ACIN1: variants seen among roughly 807,000 people sequenced by gnomAD.
ACIN1 encodes apoptotic chromatin condensation inducer 1.
In ACIN1, 16 loss-of-function variants were observed where a neutral mutation model predicts 146.6. The observed-to-expected ratio is 0.11, with a 90% CI of 0.07 to 0.17. The LOEUF is 0.17. ACIN1 is among the 10% of genes least tolerant of loss of function. ACIN1 has a pLI of 1.00. For synonymous variants in ACIN1, 569 were observed against 582.7 expected, an observed-to-expected ratio of 0.98 and a Z score of 0.34; for missense variants, 1,357 against 1,609.3, an observed-to-expected ratio of 0.84 and a Z score of 2.68.
intron 8 of ACIN1, among the ~76,000 whole-genome samples, chr14:23,075,201 G>A (rs1470267962): frequency 6.6e-6 from 1 of 152,010 alleles, no homozygotes; most frequent in East Asian, 1.9e-4. Flanking sequence ...GCCTAAAACT[G>A]CTATTGCCTG....
Position 23,064,273 on chromosome 14 carries a change from C to G in ACIN1, c.2443-16G>C, listed in dbSNP as rs2047382351. On this transcript the variant is annotated splice_polypyrimidine_tract_variant and intron_variant, in intron 11 of 18. Transcript: ENST00000605057. ...GGATGAGGCTCTGGGACACAGATAC[C>G]CCCCACCCCGTTACACTGGGCCCAT... 2.5e-6 allele frequency: 4 copies of G among 1,613,818 alleles called. No homozygotes were observed. Among genetic ancestry groups the G allele is most frequent in the Non-Finnish European group, 3.4e-6 (4 of 1,180,024 alleles).
chr14:23,072,880 TTG>T (rs752271326), intron 8 of ACIN1, among the ~76,000 whole-genome samples: 2 of 152,352 alleles, frequency 1.3e-5, no homozygotes, highest in Non-Finnish European at 2.9e-5. Flanking sequence ...CTGTTAAAAG[TTG>T]TGTGATAGTA....
chr14:23,085,392 T>C (rs940575658), intron 4 of ACIN1, among the ~76,000 whole-genome samples: 1 of 152,190 alleles, frequency 6.6e-6, no homozygotes, highest in Admixed American at 6.6e-5. Flanking sequence ...GTTGCAATTT[T>C]AAAATTAGTA....
Position 23,067,663 on chromosome 14 carries a change from C to T in ACIN1, c.2266-1655G>A. On this transcript the variant is annotated intron_variant, in intron 9 of 18. Transcript: ENST00000605057. This position sits in a 1 kb window ranked among gnomAD's most constrained non-coding sequence, Gnocchi z 4.6. The stretch of plus-strand genomic sequence containing the variant: ...ATCTTGCAGTCCCTGATGAGATGGC[C>T]TGTGAGTAGCAGGAATGATCCTTGC... 1 of 985,888 alleles carries T rather than the reference C, an allele frequency of 1.0e-6. No homozygotes were observed. The highest frequency in any genetic ancestry group is 1.2e-6 in the Non-Finnish European group (1 of 829,978). 61.1% of individuals were successfully genotyped at this position (985,888 alleles called of 1,614,324 possible). A position where few individuals can be genotyped will look rare whatever the true frequency, so the allele number is the denominator to read the frequency against.
intron 8 of ACIN1, among the ~76,000 whole-genome samples, chr14:23,076,940 C>T (rs573821379): frequency 2.6e-5 from 4 of 152,202 alleles, no homozygotes; most frequent in South Asian, 2.1e-4. Flanking sequence ...CAAAGGATAG[C>T]GTACCCATTC....
intron 8 of ACIN1, among the ~76,000 whole-genome samples, chr14:23,074,984 C>T (rs559409019): frequency 2.0e-5 from 3 of 152,274 alleles, no homozygotes; most frequent in African/African-American, 7.2e-5. Flanking sequence ...TAACCTAGAA[C>T]AGTATGATTT....
In ACIN1 at chr14:23,065,954, G is replaced by A. The variant is rs771917667; in HGVS notation, c.2308+12C>T. On this transcript the variant is annotated intron_variant, in intron 10 of 18. Coordinates refer to ENST00000605057, the MANE Select transcript of ACIN1 (RefSeq NM_001386863.1). Reference sequence around the variant, plus strand: ...TTCCTGACTTTTATCAGGGATTTGGGGCTGGACTTACAGACAACGGAGATC... The same window carrying A: ...TTCCTGACTTTTATCAGGGATTTGGAGCTGGACTTACAGACAACGGAGATC... 2 of 1,612,820 alleles carry A rather than the reference G, an allele frequency of 1.2e-6. No homozygotes were observed. The highest frequency in any genetic ancestry group is 2.2e-5 in the East Asian group (1 of 44,864).
rs1566728163 is a variant in ACIN1 at position 23,059,226 on chromosome 14, C to T, written c.3774G>A (p.Arg1258=). Residue 1258 remains arginine (R), a synonymous_variant, in exon 19 of 19, where the codon AGG becomes AGA. Coordinates refer to ENST00000605057, the MANE Select transcript of ACIN1 (RefSeq NM_001386863.1). ...RERDRERGRE[R]DRRDTKRHSR... ...TGTGGCGCTTGGTGTCCCTGCGATC[C>T]CTTTCCCTGCCTCGTTCTCGGTCCC... The T allele has an allele frequency of 1.2e-6, 2 of 1,613,848 alleles. No homozygotes were observed. The highest frequency in any genetic ancestry group is 2.2e-5 in the East Asian group (1 of 44,870).
chr14:23,066,069 G>A (rs2047445308), intron 9 of ACIN1, 61 bp from the exon 10 acceptor site: 2 of 1,458,910 alleles, frequency 1.4e-6, no homozygotes, highest in Admixed American at 1.7e-5. Flanking sequence ...AGAGAGGGGG[G>A]AAGGAGGTTA....
rs762335938 is a variant in ACIN1 at position 23,063,419 on chromosome 14, C to A, written c.2737+17G>T. 1 of 1,610,478 alleles carries A rather than the reference C, an allele frequency of 6.2e-7. No homozygotes were observed. The highest frequency in any genetic ancestry group is 1.1e-5 in the South Asian group (1 of 90,462). ...TCAGGGAGCCGCATTACATTTCTCT[C>A]ACAATATGTCACTCACCTTTCTTTA... On this transcript the variant is annotated intron_variant, in intron 13 of 18. Transcript: ENST00000605057.
intron 4 of ACIN1, among the ~76,000 whole-genome samples, chr14:23,087,635 T>C (rs3742483): frequency 0.4 from 60,907 of 151,558 alleles, 12,243 homozygotes; most frequent in Middle Eastern, 0.54. Context: ...GCCTCTCTTT[T>C]TAAAGAGAGG....
chr14:23,067,260 TAAAG>T lies in ACIN1; in HGVS notation c.2266-1256_2266-1253del. On this transcript the variant is annotated intron_variant, in intron 9 of 18. Coordinates refer to ENST00000605057, the MANE Select transcript of ACIN1 (RefSeq NM_001386863.1). This position sits in a 1 kb window ranked among gnomAD's most constrained non-coding sequence, Gnocchi z 4.6. ...AAATATTAAAAAAAGAAGAAGAAAA[TAAAG>T]AAGAAAATAAACTAGGAATATGACA... The T allele has an allele frequency of 1.0e-6, 1 of 955,520 alleles. No homozygotes were observed. The highest frequency in any genetic ancestry group is 1.2e-6 in the Non-Finnish European group (1 of 805,684). The allele number at this position is 955,520 out of a possible 1,614,324, so 59.2% of individuals were successfully genotyped here.
At position 23,080,821 on chromosome 14, in the gene ACIN1, G is replaced by A; in HGVS notation, c.526-12C>T. On this transcript the variant is annotated splice_polypyrimidine_tract_variant and intron_variant, in intron 5 of 18. Transcript: ENST00000605057. ...TTAGCTGCTCTTGCCTGAAAGAACA[G>A]ATACACAATGGCTCCAAATGTATTT... is the stretch of plus-strand genomic sequence containing the variant. 1 of 1,581,296 alleles carries A rather than the reference G, an allele frequency of 6.3e-7. No individual in the cohort carries two copies. Among genetic ancestry groups the A allele is most frequent in the South Asian group, 1.2e-5 (1 of 85,682 alleles).
intron 8 of ACIN1, among the ~76,000 whole-genome samples, chr14:23,071,771 T>A (rs2047663257): frequency 6.6e-6 from 1 of 151,660 alleles, no homozygotes; most frequent in South Asian, 2.1e-4. Flanking sequence ...TGCTCCCTCC[T>A]GGTCTTCCCA....
At chr14:23,093,957 G>A (rs184771520) in intron 1 of ACIN1, among the ~76,000 whole-genome samples, 6 of 152,238 alleles carry the variant, frequency 3.9e-5, no homozygotes, top group African/African-American at 1.4e-4. Flanking sequence ...GAATTACTTG[G>A]TCAAAGGGTT....
At chr14:23,081,295 T>C (rs1355764458) in intron 5 of ACIN1, among the ~76,000 whole-genome samples, 2 of 152,214 alleles carry the variant, frequency 1.3e-5, no homozygotes, top group Admixed American at 1.3e-4. Flanking sequence ...GATTGAATGG[T>C]TAATTATGTC....
At chr14:23,060,926 T>A (rs1448451104) in intron 18 of ACIN1, among the ~76,000 whole-genome samples, 158 bp downstream of exon 18, 4 of 152,226 alleles carry the variant, frequency 2.6e-5, no homozygotes, top group African/African-American at 9.6e-5. Context: ...CTCTATGTTA[T>A]ACCAATTAAC....
chr14:23,062,554 G>A, intron 14 of ACIN1, 31 bp from the exon 15 acceptor site: 1 of 1,591,436 alleles, frequency 6.3e-7, no homozygotes, highest in Non-Finnish European at 8.6e-7. Context: ...TCAGGGTCTA[G>A]CAGAAGGCAA....
At chr14:23,090,962 T>C (rs1808903058) in intron 2 of ACIN1, among the ~76,000 whole-genome samples, 1 of 152,236 alleles carries the variant, frequency 6.6e-6, no homozygotes, top group Non-Finnish European at 1.5e-5. Context: ...TGGAGTGCAG[T>C]GGCGTGATCT....
Sources: gnomAD v4.1 joint callset for allele counts (sites outside exome capture counted in the v4.1 genomes callset) on GRCh38, gnomAD v4.1.1 for gene constraint, Gnocchi (gnomAD v3.1) non-coding constraint, MANE v1.5 for transcripts, NCBI Gene and HGNC (gene_info 2026-07-23, HGNC 2026-07-21) for gene names.